The following TMC1 variants were observed in gnomAD, a reference collection of about 807,000 sequenced individuals.
TMC1 encodes the protein transmembrane channel like 1.
In TMC1, 84 loss-of-function variants were observed where a neutral mutation model predicts 105.8. That is an observed-to-expected ratio of 0.79 (90% CI 0.67 to 0.95). The LOEUF (loss-of-function observed/expected upper bound fraction) is 0.95, where lower values mean the gene tolerates loss of function less well. Among genes scored for constraint, TMC1 ranks in the 40% least tolerant of loss-of-function variants. The pLI is 0.00. For missense variants in TMC1, 817 were observed against 914.1 expected, an observed-to-expected ratio of 0.89 and a Z score of 1.37; for synonymous variants, 315 against 311.5, an observed-to-expected ratio of 1.01 and a Z score of -0.12.
At chr9:72,822,571 G>T (rs1392162941) in intron 20 of TMC1, among the ~76,000 whole-genome samples, 1 of 145,100 alleles carries the variant, frequency 6.9e-6, no homozygotes, top group Non-Finnish European at 1.5e-5. Context: ...TTTCCAAGTG[G>T]GCTGAAATAA....
intron 5 of TMC1, among the ~76,000 whole-genome samples, chr9:72,673,570 A>G (rs1361554846): frequency 6.6e-6 from 1 of 152,138 alleles, no homozygotes; most frequent in Non-Finnish European, 1.5e-5. Context: ...AATACAGAAG[A>G]CAGAAATGAG....
intron 6 of TMC1, among the ~76,000 whole-genome samples, chr9:72,693,886 A>G (rs1826508222): frequency 6.6e-6 from 1 of 152,138 alleles, no homozygotes; most frequent in African/African-American, 2.4e-5. Flanking sequence ...ATTATTCTCA[A>G]TTTTACATTA....
At chr9:72,694,774 G>T (rs1169314446) in intron 7 of TMC1, 60 bp downstream of exon 7, 1 of 1,531,120 alleles carries the variant, frequency 6.5e-7, no homozygotes, top group African/African-American at 1.4e-5. Flanking sequence ...ACTCCTTTCA[G>T]ATACTCTTTG....
chr9:72,650,637 C>T (rs898859266), intron 5 of TMC1, among the ~76,000 whole-genome samples: 1 of 151,490 alleles, frequency 6.6e-6, no homozygotes, highest in African/African-American at 2.4e-5. Flanking sequence ...GTTTTCTTTT[C>T]TCCTCCCCTC....
chr9:72,686,730 A>G (rs1174091765), intron 5 of TMC1, among the ~76,000 whole-genome samples: 1 of 152,202 alleles, frequency 6.6e-6, no homozygotes, highest in Non-Finnish European at 1.5e-5. Context: ...GCACCTAAGG[A>G]GAATGTGGAG....
chr9:72,793,013 T>A (rs1292604625), intron 17 of TMC1, among the ~76,000 whole-genome samples: 1 of 152,140 alleles, frequency 6.6e-6, no homozygotes, highest in African/African-American at 2.4e-5. Context: ...TGGGAACCCA[T>A]ACTTCTCCCG....
chr9:72,803,338 G>A (rs371172652), intron 17 of TMC1, among the ~76,000 whole-genome samples: 5 of 152,142 alleles, frequency 3.3e-5, no homozygotes, highest in South Asian at 2.1e-4. Flanking sequence ...ATTTCAAGAC[G>A]AAAACATCAA....
chr9:72,758,583 G>A (rs941307364), intron 12 of TMC1, among the ~76,000 whole-genome samples: 7 of 152,168 alleles, frequency 4.6e-5, no homozygotes, highest in Admixed American at 1.3e-4. Flanking sequence ...ATCGTGCATA[G>A]ATGGTAGAGA....
intron 1 of TMC1, among the ~76,000 whole-genome samples, chr9:72,522,121 G>A (rs1390781272): frequency 6.6e-6 from 1 of 151,018 alleles, no homozygotes; most frequent in Non-Finnish European, 1.5e-5. Context: ...TGTTTTTCTT[G>A]CAGTGCACAG....
chr9:72,813,068 C>T (rs1001018198), intron 18 of TMC1, among the ~76,000 whole-genome samples: 2 of 152,126 alleles, frequency 1.3e-5, no homozygotes, highest in Non-Finnish European at 2.9e-5. Context: ...AACAGTCTTA[C>T]CAGGAATGAG....
chr9:72,654,058 A>G (rs1564470422), intron 5 of TMC1, among the ~76,000 whole-genome samples: 2 of 152,110 alleles, frequency 1.3e-5, no homozygotes, highest in Non-Finnish European at 2.9e-5. Context: ...CAGTTGTTTT[A>G]TATTTGGGGC....
chr9:72,817,383 A>G (rs971207982), intron 19 of TMC1: 2 of 152,156 alleles, frequency 1.3e-5, no homozygotes, highest in Non-Finnish European at 2.9e-5. Flanking sequence ...AATGCATCCT[A>G]CATTTTCCAA....
intron 2 of TMC1, among the ~76,000 whole-genome samples, chr9:72,610,896 G>A (rs372700540): frequency 5.4e-4 from 83 of 152,338 alleles, no homozygotes; most frequent in African/African-American, 1.9e-3. Context: ...CTTGCCTGAA[G>A]GCCAAGAAGA....
chr9:72,663,936 G>C (rs1047604577), intron 5 of TMC1, among the ~76,000 whole-genome samples: 1 of 151,770 alleles, frequency 6.6e-6, no homozygotes, highest in Non-Finnish European at 1.5e-5. Flanking sequence ...CAATACCCTA[G>C]GTCTACACAG....
In TMC1 at chr9:72,649,909, G is replaced by T. The variant is rs1212377000; in HGVS notation, c.16+1245G>T. On this transcript the variant is annotated intron_variant, in intron 5 of 23. Coordinates refer to ENST00000297784, the MANE Select transcript of TMC1 (RefSeq NM_138691.3). ...AAAAACTTGTAATAAATCTGCTCAG[G>T]CTATCTTAATTGCCAACCATCTCAT... Among the ~76,000 whole-genome samples the T allele has an allele frequency of 2.0e-5, 3 of 152,250 alleles. No homozygotes were observed. In the Middle Eastern group the frequency reaches 0.01, roughly 518 times the overall value.
chr9:72,747,111 A>G (rs1433779453), intron 10 of TMC1, among the ~76,000 whole-genome samples: 1 of 152,242 alleles, frequency 6.6e-6, no homozygotes, highest in East Asian at 1.9e-4. Context: ...TGCATCATCA[A>G]AATTATAGTT....
In TMC1 at chr9:72,736,771, C is replaced by T. The variant is rs73647808; in HGVS notation, c.363-3348C>T. Among the ~76,000 whole-genome samples the T allele has an allele frequency of 2.4e-3, 357 of 151,884 alleles. 3 individuals carry two copies. Among genetic ancestry groups the T allele is most frequent in the African/African-American group, 8.1e-3 (334 of 41,378 alleles). ...ATAACTGAAGTATAGTAAATTCTGC[C>T]GTAACATGATGTATGGGTTCCTAAA... On this transcript the variant is annotated intron_variant, in intron 8 of 23. Transcript: ENST00000297784.
intron 8 of TMC1, among the ~76,000 whole-genome samples, chr9:72,729,222 A>C (rs939998704): frequency 6.6e-6 from 1 of 152,132 alleles, no homozygotes; most frequent in Admixed American, 6.6e-5. Context: ...TCCCTTAAGA[A>C]ATTTTTGTAC....
chr9:72,551,913 G>A (rs139690690), intron 1 of TMC1, among the ~76,000 whole-genome samples: 2 of 152,110 alleles, frequency 1.3e-5, no homozygotes, highest in African/African-American at 4.8e-5. Flanking sequence ...AAATATTGCC[G>A]GCAATATCAG....
Sources: allele counts gnomAD v4.1 joint callset (sites outside exome capture counted in the v4.1 genomes callset), GRCh38; gene constraint gnomAD v4.1.1; transcripts MANE v1.5; gene names NCBI Gene and HGNC (gene_info 2026-07-23, HGNC 2026-07-21).